Variants in CDH12 observed in about 807,000 individuals in gnomAD.
The protein encoded by CDH12 is cadherin 12.
Under a neutral mutation model 74.1 loss-of-function variants are expected in CDH12, and 41 were observed. That is an observed-to-expected ratio of 0.55 (90% CI 0.43 to 0.72). The LOEUF (loss-of-function observed/expected upper bound fraction) is 0.72, where lower values mean the gene tolerates loss of function less well. Ranked by LOEUF, CDH12 falls within the 30% of genes least tolerant of loss-of-function variation. The probability of loss-of-function intolerance (pLI) is 0.00; values close to 1 mark genes in which losing one functional copy is unlikely to be tolerated. For synonymous variants in CDH12, 399 were observed against 355.0 expected (o/e 1.12, Z -1.39); for missense variants, 945 against 977.2 (o/e 0.97, Z 0.44).
chr5:22,302,268 C>T (rs902781062), intron 3 of CDH12, among the ~76,000 whole-genome samples: 3 of 151,984 alleles, frequency 2.0e-5, no homozygotes, highest in Admixed American at 6.6e-5. Context: ...TGTACATAGG[C>T]AAATTAGTGC....
intron 3 of CDH12, among the ~76,000 whole-genome samples, chr5:22,275,296 T>TA (rs756915768): frequency 2.7e-5 from 4 of 146,770 alleles, no homozygotes; most frequent in Admixed American, 6.8e-5. Flanking sequence ...AGTACAATAA[T>TA]AAAAAAAAGG....
chr5:22,209,563 T>C (rs934424316), intron 4 of CDH12, among the ~76,000 whole-genome samples: 31 of 151,754 alleles, frequency 2.0e-4, no homozygotes, highest in African/African-American at 3.9e-4. Context: ...TGGAAAGATG[T>C]ATATGTTACA....
intron 3 of CDH12, among the ~76,000 whole-genome samples, chr5:22,259,274 C>T (rs1009612100): frequency 6.6e-6 from 1 of 151,946 alleles, no homozygotes; most frequent in African/African-American, 2.4e-5. Context: ...AATATATGAA[C>T]GTTCCACATA....
chr5:22,082,981 G>T (rs1417201922), intron 4 of CDH12, among the ~76,000 whole-genome samples: 1 of 152,030 alleles, frequency 6.6e-6, no homozygotes, highest in Non-Finnish European at 1.5e-5. Flanking sequence ...ATGTTTACTA[G>T]ATATTTATTT....
chr5:22,007,247 A>T (rs1256736470), intron 5 of CDH12, among the ~76,000 whole-genome samples: 2 of 152,168 alleles, frequency 1.3e-5, no homozygotes, highest in Non-Finnish European at 2.9e-5. Context: ...AGCTCAAGAG[A>T]TCTGTTATAC....
At chr5:22,116,867 T>C (rs1745148387) in intron 4 of CDH12, among the ~76,000 whole-genome samples, 1 of 30,130 alleles carries the variant, frequency 3.3e-5, no homozygotes, top group African/African-American at 1.6e-4. Context: ...CAAGTCTCTT[T>C]TTTTTTTTTT....
At chr5:22,199,895 C>T (rs1425595142) in intron 4 of CDH12, among the ~76,000 whole-genome samples, 1 of 152,210 alleles carries the variant, frequency 6.6e-6, no homozygotes, top group Non-Finnish European at 1.5e-5. Flanking sequence ...TCCTGACAAG[C>T]TATTTAAAAT....
chr5:21,934,441 A>G (rs1372031374), intron 6 of CDH12, among the ~76,000 whole-genome samples: 3 of 152,230 alleles, frequency 2.0e-5, no homozygotes, highest in Non-Finnish European at 2.9e-5. Flanking sequence ...TAGCCATCTG[A>G]TGGACTACTC....
At chr5:21,830,457 G>A (rs966362564) in intron 8 of CDH12, among the ~76,000 whole-genome samples, 1 of 152,026 alleles carries the variant, frequency 6.6e-6, no homozygotes, top group Non-Finnish European at 1.5e-5. Flanking sequence ...TTATGAATAT[G>A]GCTATATAAT....
chr5:22,751,685 C>T (rs1281950367), intron 1 of CDH12, among the ~76,000 whole-genome samples: 5 of 152,128 alleles, frequency 3.3e-5, no homozygotes, highest in Non-Finnish European at 7.4e-5. Flanking sequence ...ACTGTTGCCA[C>T]GTGTTCACTG....
intron 11 of CDH12, among the ~76,000 whole-genome samples, chr5:21,778,478 A>AAAAAAAAAAAAAG (rs1745721522): frequency 6.7e-6 from 1 of 150,220 alleles, no homozygotes; most frequent in Non-Finnish European, 1.5e-5. Context: ...AAAAAAAAAA[A>AAAAAAAAAAAAAG]AAAAAAAAAA....
At chr5:22,288,043 T>G (rs1737232537) in intron 3 of CDH12, among the ~76,000 whole-genome samples, 1 of 152,146 alleles carries the variant, frequency 6.6e-6, no homozygotes, top group African/African-American at 2.4e-5. Context: ...AAGATCTACT[T>G]AATTATGACC....
intron 6 of CDH12, among the ~76,000 whole-genome samples, chr5:21,896,991 C>G (rs1753154716): frequency 6.6e-6 from 1 of 151,570 alleles, no homozygotes; most frequent in Non-Finnish European, 1.5e-5. Context: ...TACAAGCCAA[C>G]CAAAAAAAAT....
chr5:22,239,131 C>T (rs1471531168), intron 3 of CDH12, among the ~76,000 whole-genome samples: 1 of 152,168 alleles, frequency 6.6e-6, no homozygotes, highest in Non-Finnish European at 1.5e-5. Flanking sequence ...CTTCCTTGGG[C>T]TGATGACTGC....
intron 5 of CDH12, among the ~76,000 whole-genome samples, chr5:21,983,795 ATTAC>A (rs1466125817): frequency 6.6e-6 from 1 of 152,176 alleles, no homozygotes; most frequent in African/African-American, 2.4e-5. Flanking sequence ...ATAAATTTAT[ATTAC>A]TTTATTTATT....
chr5:22,606,060 G>A (rs1273750389), intron 1 of CDH12, among the ~76,000 whole-genome samples: 1 of 152,206 alleles, frequency 6.6e-6, no homozygotes, highest in Non-Finnish European at 1.5e-5. Context: ...GAGGCAGAAG[G>A]AAGGGCACCT....
chr5:21,886,958 C>G (rs906538253), intron 6 of CDH12, among the ~76,000 whole-genome samples: 2 of 152,080 alleles, frequency 1.3e-5, no homozygotes, highest in African/African-American at 2.4e-5. Context: ...ACAATAGTCT[C>G]TGGTTAGTTT....
At chr5:22,363,200 T>A (rs867615056) in intron 3 of CDH12, among the ~76,000 whole-genome samples, 2 of 152,128 alleles carry the variant, frequency 1.3e-5, no homozygotes, top group South Asian at 4.1e-4. Flanking sequence ...GTAAAATAAT[T>A]AAGATGTAAC....
intron 1 of CDH12, among the ~76,000 whole-genome samples, chr5:22,642,210 T>C (rs147530478): frequency 1.2e-3 from 176 of 152,344 alleles, no homozygotes; most frequent in Non-Finnish European, 2.0e-3. Flanking sequence ...AAATAATATA[T>C]GAAAATTATG....
Sources: allele counts gnomAD v4.1 joint callset (sites outside exome capture counted in the v4.1 genomes callset), GRCh38; gene constraint gnomAD v4.1.1; transcripts MANE v1.5; gene names NCBI Gene and HGNC (gene_info 2026-07-23, HGNC 2026-07-21).